PGM3: variants seen among roughly 807,000 people sequenced by gnomAD.
PGM3 encodes phosphoacetylglucosamine mutase.
Under a neutral mutation model 66.2 loss-of-function variants are expected in PGM3, and 40 were observed. The ratio of observed to expected loss-of-function variants is 0.60; its 90% CI spans 0.47 to 0.79. PGM3 has a LOEUF of 0.79. Among genes scored for constraint, PGM3 ranks in the 30% least tolerant of loss-of-function variants. The pLI, the probability that PGM3 is intolerant of heterozygous loss-of-function variation, is 0.00. For missense variants in PGM3, 537 were observed against 643.4 expected (o/e 0.83, Z 1.79); for synonymous variants, 191 against 224.2 (o/e 0.85, Z 1.32).
intron 2 of PGM3, among the ~76,000 whole-genome samples, chr6:83,189,834 G>A (rs1012256149): frequency 6.6e-6 from 1 of 152,186 alleles, no homozygotes; most frequent in Non-Finnish European, 1.5e-5. Flanking sequence ...ACTGCCATTT[G>A]CATCATGGTT....
Position 83,188,608 on chromosome 6 carries a change from C to T in PGM3, c.389+6G>A, listed in dbSNP as rs1478742693. ...TTTTTTTTTTACCAGTAACTCTTAT[C>T]ATCACCTGGTATCTCTACCAATAAC... On this transcript the variant is annotated splice_donor_region_variant and intron_variant, in intron 3 of 12. Coordinates refer to ENST00000513973, the MANE Select transcript of PGM3 (RefSeq NM_015599.3). 2.5e-6 allele frequency: 4 copies of T among 1,596,780 alleles called. No homozygotes were observed. In the African/African-American group the frequency reaches 4.0e-5, roughly 16 times the overall value.
At chr6:83,153,565 A>C in the PGM3 span, 2 of 1,610,300 alleles carry the variant, frequency 1.2e-6, no homozygotes, top group African/African-American at 2.7e-5. Context: ...GGAGCGGGTT[A>C]TTCCTTTACT....
In PGM3 at chr6:83,166,912, CTTCT is replaced by C. The variant is rs1469663901; in HGVS notation, c.*2318_*2321del. 28 of 989,252 alleles carry C rather than the reference CTTCT, an allele frequency of 2.8e-5. No individual in the cohort carries two copies. The South Asian group carries it at 6.5e-4, about 23-fold the overall frequency. The allele number at this position is 989,252 out of a possible 1,614,324, so 61.3% of individuals were successfully genotyped here. On this transcript the variant is annotated 3_prime_UTR_variant, in exon 13 of 13. Transcript: ENST00000513973. ...CTTCCTAAGTCTTCATGATTTCTTCCTTCTGTCTAGTTCATTGCTTATTTTCATT... is the reference window on the plus strand; with the variant it reads ...CTTCCTAAGTCTTCATGATTTCTTCCGTCTAGTTCATTGCTTATTTTCATT...
rs1788635121 is a variant in PGM3, at chr6:83,187,040, T to G, written c.425A>C (p.Asp142Ala). ...TTGACCTCCTAGAACAGTCACACCA[T>G]CTATTACAGATTGTGAAAGTTTCTC... ...SSEKLSQSVI[D>A]GVTVLGGQFH... The change falls in exon 4 of 13, where the codon GAT becomes GCT. Residue 142 changes from aspartate (D) to alanine (A), a missense_variant. Asp to Ala is a moderately radical substitution (Grantham distance 126). Coordinates refer to ENST00000513973, the MANE Select transcript of PGM3 (RefSeq NM_015599.3). The G allele has an allele frequency of 1.2e-6, 2 of 1,602,208 alleles. No individual in the cohort carries two copies. Among genetic ancestry groups the G allele is most frequent in the Non-Finnish European group, 1.7e-6 (2 of 1,169,702 alleles).
At chr6:83,154,844 C>T in the PGM3 span, among the ~76,000 whole-genome samples, 3 of 151,768 alleles carry the variant, frequency 2.0e-5, no homozygotes, top group African/African-American at 7.3e-5. Flanking sequence ...ATAGCAGTAA[C>T]ATTGTATGAT....
the PGM3 span, chr6:83,153,778 C>A: frequency 8.2e-7 from 1 of 1,221,398 alleles, no homozygotes; most frequent in Non-Finnish European, 1.1e-6. Flanking sequence ...TCTTATGGTG[C>A]TTTCTATTTC....
downstream of PGM3, chr6:83,159,613 A>C (rs1014076834): frequency 6.5e-5 from 46 of 702,706 alleles, no homozygotes; most frequent in Non-Finnish European, 1.1e-4. Context: ...TTGCATTCTC[A>C]AAGAAGAAAA....
chr6:83,192,159 A>G lies in PGM3; in HGVS notation c.-3+1020T>C, dbSNP rs537069154. On this transcript the variant is annotated intron_variant, in intron 1 of 12. Transcript: ENST00000513973. Reference sequence around the variant, plus strand: ...TGCGCGCCTGTAGTCCCAGCTACTCAGGAGGCTGACGCAGGAGAATCGCTT... The same window carrying G: ...TGCGCGCCTGTAGTCCCAGCTACTCGGGAGGCTGACGCAGGAGAATCGCTT... Among the ~76,000 whole-genome samples, 1,221 of 148,530 alleles carry G rather than the reference A, an allele frequency of 8.2e-3. 7 individuals carry two copies. Among genetic ancestry groups the G allele is most frequent in the Non-Finnish European group, 0.012 (824 of 67,160 alleles).
intron 1 of PGM3, among the ~76,000 whole-genome samples, chr6:83,192,914 G>A (rs536692673): frequency 6.6e-6 from 1 of 152,176 alleles, no homozygotes; most frequent in African/African-American, 2.4e-5. Flanking sequence ...ACCGCACAAG[G>A]GTGATTCCCG....
At chr6:83,191,400 A>G in intron 1 of PGM3, 1 of 638,130 alleles carries the variant, frequency 1.6e-6, no homozygotes, top group South Asian at 1.9e-5. Flanking sequence ...AAGGGAAACT[A>G]ACCTAAATTA....
Position 83,168,229 on chromosome 6 carries a change from C to T in PGM3, c.*1005G>A. The T allele has an allele frequency of 6.6e-7, 1 of 1,521,518 alleles. No homozygotes were observed. The highest frequency in any genetic ancestry group is 8.8e-7 in the Non-Finnish European group (1 of 1,142,818). The allele number at this position is 1,521,518 out of a possible 1,614,324, so 94.3% of individuals were successfully genotyped here. On this transcript the variant is annotated 3_prime_UTR_variant, in exon 13 of 13. Transcript: ENST00000513973. ...GTAATTATTTAAAACACACACACTGCTCTGCGTTGTATAGTTTTTCCTTTT... is the reference window on the plus strand; with the variant it reads ...GTAATTATTTAAAACACACACACTGTTCTGCGTTGTATAGTTTTTCCTTTT...
intron 2 of PGM3, among the ~76,000 whole-genome samples, chr6:83,189,926 T>C (rs1014705328): frequency 6.6e-6 from 1 of 152,210 alleles, no homozygotes; most frequent in African/African-American, 2.4e-5. Flanking sequence ...ACATGTGTTA[T>C]GTAAAAAAGT....
Position 83,166,072 on chromosome 6 carries a change from A to C in PGM3, c.*3162T>G, listed in dbSNP as rs1785448028. On this transcript the variant is annotated 3_prime_UTR_variant, in exon 13 of 13. Coordinates refer to ENST00000513973, the MANE Select transcript of PGM3 (RefSeq NM_015599.3). ...GTATAAAATCCACCTTTTGGCACAC[A>C]TCACAATCCGATAGAGAAATGATTC... The C allele has an allele frequency of 3.1e-6, 1 of 320,916 alleles. No individual in the cohort carries two copies. The highest frequency in any genetic ancestry group is 4.5e-5 in the Admixed American group (1 of 22,328). The allele number at this position is 320,916 out of a possible 1,614,324, so 19.9% of individuals were successfully genotyped here. A position where few individuals can be genotyped will look rare whatever the true frequency, so the allele number is the denominator to read the frequency against.
At chr6:83,175,832 C>T (rs1475198720) in intron 9 of PGM3, 130 bp downstream of exon 9, 1 of 579,098 alleles carries the variant, frequency 1.7e-6, no homozygotes, top group Non-Finnish European at 3.1e-6. Flanking sequence ...ATAAGATAAC[C>T]AAAGGATCTT....
rs1786381967 is a variant in PGM3 at position 83,168,461 on chromosome 6, T to G, written c.*773A>C. ...AAACCTGCAAAATATACACTACCCA[T>G]TTTTTTTTTCCATTGGTTTCAGACT... is the stretch of plus-strand genomic sequence containing the variant. On this transcript the variant is annotated 3_prime_UTR_variant, in exon 13 of 13. Coordinates refer to ENST00000513973, the MANE Select transcript of PGM3 (RefSeq NM_015599.3). The G allele has an allele frequency of 1.0e-6, 1 of 960,572 alleles. No individual in the cohort carries two copies. The highest frequency in any genetic ancestry group is 1.8e-5 in the African/African-American group (1 of 56,796). 59.5% of individuals were successfully genotyped at this position (960,572 alleles called of 1,614,324 possible).
the PGM3 span, chr6:83,153,537 T>A: frequency 6.2e-7 from 1 of 1,608,158 alleles, no homozygotes; most frequent in Non-Finnish European, 8.5e-7. Flanking sequence ...TGGATATGGT[T>A]TTCTATAGTG....
chr6:83,151,059 G>A, the PGM3 span, among the ~76,000 whole-genome samples: 3 of 152,134 alleles, frequency 2.0e-5, no homozygotes, highest in African/African-American at 7.2e-5. Context: ...AATATTTTGT[G>A]TCGGCTTCTT....
At chr6:83,186,411 G>A (rs536722287) in intron 4 of PGM3, among the ~76,000 whole-genome samples, 5 of 152,300 alleles carry the variant, frequency 3.3e-5, no homozygotes, top group African/African-American at 1.2e-4. Context: ...AACTCGAGAG[G>A]AGGTTTCAAA....
At chr6:83,158,265 T>A (rs1783312047), downstream of PGM3, among the ~76,000 whole-genome samples, 1 of 152,108 alleles carries the variant, frequency 6.6e-6, no homozygotes, top group Non-Finnish European at 1.5e-5. Context: ...CCTCCCAAAG[T>A]GCTGGGATTA....
Sources: gnomAD v4.1 joint callset for allele counts (sites outside exome capture counted in the v4.1 genomes callset) on GRCh38, gnomAD v4.1.1 for gene constraint, MANE v1.5 for transcripts, NCBI Gene and HGNC (gene_info 2026-07-23, HGNC 2026-07-21) for gene names.